Variants in ZNF223 observed in about 807,000 individuals in gnomAD.
ZNF223 encodes Homo sapiens zinc finger protein 223.
A neutral mutation model predicts 12.3 loss-of-function variants in ZNF223; 9 were observed. The ratio of observed to expected loss-of-function variants is 0.73; its 90% CI spans 0.44 to 1.28. The LOEUF (loss-of-function observed/expected upper bound fraction) is 1.28. Ranked by LOEUF, ZNF223 falls within the 50% of genes most tolerant of loss-of-function variation. ZNF223 has a pLI of 0.00. For missense variants in ZNF223, 506 were observed against 579.0 expected, an observed-to-expected ratio of 0.87 and a Z score of 1.29; for synonymous variants, 171 against 195.2, an observed-to-expected ratio of 0.88 and a Z score of 1.03.
chr19:44,061,663 C>T (rs1846695414), intron 4 of ZNF223, among the ~76,000 whole-genome samples: 1 of 152,246 alleles, frequency 6.6e-6, no homozygotes, highest in South Asian at 2.1e-4. Flanking sequence ...ATGACATCTG[C>T]AGCCTTAATC....
At chr19:44,053,760 G>T (rs1239721661) in intron 1 of ZNF223, among the ~76,000 whole-genome samples, 1 of 152,198 alleles carries the variant, frequency 6.6e-6, no homozygotes, top group Non-Finnish European at 1.5e-5. Context: ...GGAAACCTTG[G>T]ACAATGCCCA....
In ZNF223 at chr19:44,066,490, CTCA is replaced by C. The variant is rs1976915552; in HGVS notation, c.666_668del (p.His222del). 1 of 1,614,060 alleles carries C rather than the reference CTCA, an allele frequency of 6.2e-7. No individual in the cohort carries two copies. The highest frequency in any genetic ancestry group is 1.3e-5 in the African/African-American group (1 of 74,920). ...TTCAGTCAGAGTTTACATCTGCAAA[CTCA>C]TCAGAGAGTCCATACTGGAGAGAAA... On this transcript the variant is annotated inframe_deletion, in exon 5 of 5. Transcript: ENST00000434772.
In ZNF223 at chr19:44,067,953, C is replaced by CA. The variant is rs1314185710; in HGVS notation, c.*687dup. 312 of 142,134 alleles carry CA rather than the reference C, an allele frequency of 2.2e-3. 1 individual carries two copies. The highest frequency in any genetic ancestry group is 5.2e-3 in the African/African-American group (203 of 38,752). The allele number at this position is 142,134 out of a possible 1,614,324, so 8.8% of individuals were successfully genotyped here. ...GGGCAACAGAGTGAGACCCTGTCTC[C>CA]AAAAAAAAAAATTAAATAAATACCT... is the stretch of plus-strand genomic sequence containing the variant. On this transcript the variant is annotated 3_prime_UTR_variant, in exon 5 of 5. Transcript: ENST00000434772.
At chr19:44,062,565 T>G (rs538820087) in intron 4 of ZNF223, among the ~76,000 whole-genome samples, 19 of 152,332 alleles carry the variant, frequency 1.2e-4, no homozygotes, top group Middle Eastern at 3.4e-3. Context: ...TTATCCATTT[T>G]CAACTTTCTT....
At position 44,066,476 on chromosome 19, in the gene ZNF223, T is replaced by C. The variant is rs1366819409; in HGVS notation, c.648T>C (p.Ser216=). 6.2e-7 allele frequency: 1 copy of C among 1,614,122 alleles called. No individual in the cohort carries two copies. The highest frequency in any genetic ancestry group is 8.5e-7 in the Non-Finnish European group (1 of 1,180,008). The change falls in exon 5 of 5, where the codon AGT becomes AGC. Residue 216 remains serine, a synonymous_variant. Transcript: ENST00000434772. ...TGTGTGGTAAGGAATTCAGTCAGAGTTTACATCTGCAAACTCATCAGAGAG... is the reference window on the plus strand; with the variant it reads ...TGTGTGGTAAGGAATTCAGTCAGAGCTTACATCTGCAAACTCATCAGAGAG... ...CDVCGKEFSQ[S]LHLQTHQRVH... is the part of the protein sequence containing the mutation.
Position 44,066,499 on chromosome 19 carries a change from G to C in ZNF223, c.671G>C (p.Arg224Thr). 1.2e-6 allele frequency: 2 copies of C among 1,614,242 alleles called. No individual in the cohort carries two copies. The highest frequency in any genetic ancestry group is 1.1e-5 in the South Asian group (1 of 91,090). The change falls in exon 5 of 5, where the codon AGA (arginine) becomes ACA (threonine). Residue 224 changes from arginine (R) to threonine (T), a missense_variant. Physicochemically the swap from Arg to Thr is moderately conservative, Grantham distance 71. Transcript: ENST00000434772. The part of the protein sequence containing the change: ...SQSLHLQTHQ[R>T]VHTGEKPFKC... ...AGTTTACATCTGCAAACTCATCAGA[G>C]AGTCCATACTGGAGAGAAACCTTTC...
intron 2 of ZNF223, among the ~76,000 whole-genome samples, chr19:44,057,529 A>C (rs111412352): frequency 0.03 from 4,553 of 152,324 alleles, 99 homozygotes; most frequent in Non-Finnish European, 0.046. Context: ...GCTAATGTTC[A>C]TTAAACAGTC....
chr19:44,060,916 A>C (rs1301030891), intron 4 of ZNF223, 75 bp downstream of exon 4: 1 of 1,372,928 alleles, frequency 7.3e-7, no homozygotes, highest in Non-Finnish European at 1.0e-6. Flanking sequence ...CAACTCCATT[A>C]CCTTCTTCTA....
At chr19:44,054,283 C>T (rs1055429961) in intron 1 of ZNF223, among the ~76,000 whole-genome samples, 1 of 150,834 alleles carries the variant, frequency 6.6e-6, no homozygotes, top group Non-Finnish European at 1.5e-5. Context: ...AAGTGATGTT[C>T]GTTTGTCCCT....
intron 3 of ZNF223, 64 bp downstream of exon 3, chr19:44,060,645 G>C (rs1976824934): frequency 6.2e-7 from 1 of 1,613,332 alleles, no homozygotes. Flanking sequence ...ATCCTAGGGT[G>C]TTCAAGTTTG....
intron 2 of ZNF223, among the ~76,000 whole-genome samples, chr19:44,056,697 C>A (rs998130123): frequency 2.1e-5 from 3 of 142,978 alleles, no homozygotes; most frequent in Admixed American, 1.4e-4. Flanking sequence ...GGGTTTACGC[C>A]GTTCTCCTGC....
chr19:44,067,450 G>T lies in ZNF223; in HGVS notation c.*173G>T, dbSNP rs1446391890. 3 of 813,652 alleles carry T rather than the reference G, an allele frequency of 3.7e-6. No individual in the cohort carries two copies. Among genetic ancestry groups the T allele is most frequent in the Non-Finnish European group, 4.0e-6 (2 of 497,362 alleles). The allele number at this position is 813,652 out of a possible 1,614,324, so 50.4% of individuals were successfully genotyped here. On this transcript the variant is annotated 3_prime_UTR_variant, in exon 5 of 5. Coordinates refer to ENST00000434772, the MANE Select transcript of ZNF223 (RefSeq NM_013361.6). ...TGAAAATAAATTGTTGTCGATGATAGTCACCTTTAGTGCTGCAGAACAGCA... is the reference window on the plus strand; with the variant it reads ...TGAAAATAAATTGTTGTCGATGATATTCACCTTTAGTGCTGCAGAACAGCA...
chr19:44,057,389 G>A (rs143916122), intron 2 of ZNF223, among the ~76,000 whole-genome samples: 2,234 of 151,994 alleles, frequency 0.015, 71 homozygotes, highest in African/African-American at 0.052. Context: ...CATCTTGGCC[G>A]GACTGATAAT....
rs1469611712 is a variant in ZNF223 at position 44,055,070 on chromosome 19, C to T, written c.-68-39C>T. ...TTGGTGGGTGACATCCCTGGCCACC[C>T]TTTCATGTCTCTTTTTCTGTCTTCA... On this transcript the variant is annotated intron_variant, in intron 1 of 4. Transcript: ENST00000434772. The T allele has an allele frequency of 3.5e-6, 4 of 1,150,340 alleles. No homozygotes were observed. In the African/African-American group the frequency reaches 4.6e-5, roughly 13 times the overall value. The allele number at this position is 1,150,340 out of a possible 1,614,324, so 71.3% of individuals were successfully genotyped here. A position where few individuals can be genotyped will look rare whatever the true frequency, so the allele number is the denominator to read the frequency against.
rs775187674 is a variant in ZNF223 at position 44,056,585 on chromosome 19, A to AT, written c.15+1420dup. On this transcript the variant is annotated intron_variant, in intron 2 of 4. Transcript: ENST00000434772. ...TCCTTATGGCATAAAATGCCTCACC[A>AT]TTTTTTTTTTTTTTTTTTTTTTTTT... Among the ~76,000 whole-genome samples the AT allele has an allele frequency of 5.2e-3, 372 of 72,144 alleles. 41 individuals are homozygous for AT. Among genetic ancestry groups the AT allele is most frequent in the African/African-American group, 5.9e-3 (88 of 14,894 alleles). The allele number at this position is 72,144 out of a possible 152,430, so 47.3% of individuals were successfully genotyped here.
intron 2 of ZNF223, among the ~76,000 whole-genome samples, chr19:44,055,451 G>A (rs1160657545): frequency 6.9e-6 from 1 of 145,370 alleles, no homozygotes; most frequent in East Asian, 2.4e-4. Flanking sequence ...ACCGCACCCA[G>A]CCAGAAAGCC....
intron 2 of ZNF223, among the ~76,000 whole-genome samples, chr19:44,056,606 T>TCC (rs1976771096): frequency 9.1e-6 from 1 of 110,228 alleles, no homozygotes; most frequent in East Asian, 2.4e-4. Flanking sequence ...TTTTTTTTTT[T>TCC]TTTTTGAGAT....
rs1976938345 is a variant in ZNF223 at position 44,067,511 on chromosome 19, C to G, written c.*234C>G. The G allele has an allele frequency of 1.7e-6, 1 of 582,906 alleles. No individual in the cohort carries two copies. Among genetic ancestry groups the G allele is most frequent in the Non-Finnish European group, 3.1e-6 (1 of 318,198 alleles). The allele number at this position is 582,906 out of a possible 1,614,324, so 36.1% of individuals were successfully genotyped here. On this transcript the variant is annotated 3_prime_UTR_variant, in exon 5 of 5. Coordinates refer to ENST00000434772, the MANE Select transcript of ZNF223 (RefSeq NM_013361.6). ...CTCTTATCTACCTGTACTTTTGCAT[C>G]CATTAGCCAACCTTTGGCCATCCCA...
At position 44,066,054 on chromosome 19, in the gene ZNF223, A is replaced by G; in HGVS notation, c.236-10A>G. 4 of 1,569,716 alleles carry G rather than the reference A, an allele frequency of 2.5e-6. No homozygotes were observed. In the South Asian group the frequency reaches 3.6e-5, roughly 14 times the overall value. ...GCTTGTCCTGATCTCTTAATTTTGT[A>G]TTCTGATAGGAGGCAAGATCCAACC... On this transcript the variant is annotated splice_polypyrimidine_tract_variant and intron_variant, in intron 4 of 4. Coordinates refer to ENST00000434772, the MANE Select transcript of ZNF223 (RefSeq NM_013361.6).
Sources: allele counts gnomAD v4.1 joint callset (sites outside exome capture counted in the v4.1 genomes callset), GRCh38; gene constraint gnomAD v4.1.1; transcripts MANE v1.5; gene names NCBI Gene and HGNC (gene_info 2026-07-23, HGNC 2026-07-21).